The following SLMAP variants were observed in gnomAD, a reference collection of about 807,000 sequenced individuals.
SLMAP encodes sarcolemmal membrane-associated protein.
A neutral mutation model predicts 128.8 loss-of-function variants in SLMAP; 44 were observed. That is an observed-to-expected ratio of 0.34 (90% CI 0.27 to 0.44). SLMAP has a LOEUF of 0.44. Among genes scored for constraint, SLMAP ranks in the 20% least tolerant of loss-of-function variants. The pLI, the probability that SLMAP is intolerant of heterozygous loss-of-function variation, is 1.00. For missense variants in SLMAP, 787 were observed against 985.3 expected, an observed-to-expected ratio of 0.80 and a Z score of 2.69; for synonymous variants, 327 against 348.8, an observed-to-expected ratio of 0.94 and a Z score of 0.70.
chr3:57,871,737 T>A (rs1203766808), intron 14 of SLMAP, 39 bp downstream of exon 14: 6 of 1,491,274 alleles, frequency 4.0e-6, no homozygotes, highest in Non-Finnish European at 5.6e-6. Context: ...TTTAATGAAG[T>A]CAGGGGCTAA....
At chr3:57,850,865 G>A (rs1162444190) in intron 6 of SLMAP, among the ~76,000 whole-genome samples, 1 of 152,062 alleles carries the variant, frequency 6.6e-6, no homozygotes, top group East Asian at 1.9e-4. Flanking sequence ...AAACTCCTGA[G>A]CTCAGGCAAT....
chr3:57,918,950 C>T (rs2096863910), intron 22 of SLMAP, among the ~76,000 whole-genome samples: 1 of 152,172 alleles, frequency 6.6e-6, no homozygotes, highest in South Asian at 2.1e-4. Context: ...TCATTTGTCA[C>T]CTCAGAGTTA....
At chr3:57,810,408 G>A (rs747958293) in intron 2 of SLMAP, among the ~76,000 whole-genome samples, 2 of 152,126 alleles carry the variant, frequency 1.3e-5, no homozygotes, top group Non-Finnish European at 2.9e-5. Flanking sequence ...CAAAACTCAG[G>A]CAAGGGCACC....
At chr3:57,880,663 A>G (rs2095713230) in intron 14 of SLMAP, among the ~76,000 whole-genome samples, 1 of 148,930 alleles carries the variant, frequency 6.7e-6, no homozygotes, top group Admixed American at 6.7e-5. Flanking sequence ...GGATCGCTTG[A>G]GTTCAGGAGT....
intron 14 of SLMAP, among the ~76,000 whole-genome samples, chr3:57,887,916 A>G (rs2095942882): frequency 6.6e-6 from 1 of 152,234 alleles, no homozygotes; most frequent in Non-Finnish European, 1.5e-5. Flanking sequence ...AAGCTAGAAG[A>G]CAGTGGAATA....
intron 24 of SLMAP, among the ~76,000 whole-genome samples, chr3:57,927,025 T>C (rs1184556568): frequency 6.6e-6 from 1 of 152,216 alleles, no homozygotes; most frequent in Non-Finnish European, 1.5e-5. Context: ...TAGAAGTCAC[T>C]ATTAGGTTTC....
intron 4 of SLMAP, among the ~76,000 whole-genome samples, chr3:57,845,740 T>A (rs2094209398): frequency 6.6e-6 from 1 of 152,164 alleles, no homozygotes; most frequent in Admixed American, 6.6e-5. Flanking sequence ...GTAATAGTAG[T>A]GATCAAGTCC....
intron 22 of SLMAP, among the ~76,000 whole-genome samples, chr3:57,921,135 C>T (rs914749354): frequency 1.3e-5 from 2 of 152,086 alleles, no homozygotes; most frequent in African/African-American, 4.8e-5. Context: ...GATGCTGTAT[C>T]TAGAAGTGGA....
At chr3:57,814,092 CT>C (rs35586426) in intron 2 of SLMAP, among the ~76,000 whole-genome samples, 5,660 of 141,848 alleles carry the variant, frequency 0.04, 116 homozygotes, top group Middle Eastern at 0.056. Flanking sequence ...GAGCATTATT[CT>C]TTTTTTTTTT....
chr3:57,794,240 T>C (rs1341049551), intron 2 of SLMAP, among the ~76,000 whole-genome samples: 1 of 152,150 alleles, frequency 6.6e-6, no homozygotes, highest in Non-Finnish European at 1.5e-5. Flanking sequence ...GTTCGTACGC[T>C]ATACTCTCCT....
intron 2 of SLMAP, among the ~76,000 whole-genome samples, chr3:57,808,138 A>G (rs2153507346): frequency 6.6e-6 from 1 of 150,776 alleles, no homozygotes. Context: ...TATTGTGTCT[A>G]TTCTCTCTTT....
chr3:57,849,784 C>G lies in SLMAP; in HGVS notation c.487C>G (p.Gln163Glu), dbSNP rs2094438430. The G allele has an allele frequency of 6.3e-7, 1 of 1,577,850 alleles. No homozygotes were observed. ...TGCTAACACTCCAAGTATGTACTCT[C>G]AGGAACTATTCCAGCTTTCTCAGTA... ...VAANTPSMYS[Q>E]ELFQLSQYLQ... is the part of the protein sequence containing the mutation. Residue 163 changes from glutamine (Q) to glutamate (E), a missense_variant, in exon 6 of 25, where the codon CAG becomes GAG. Gln to Glu is a conservative substitution (Grantham distance 29). Coordinates refer to ENST00000671191, the MANE Select transcript of SLMAP (RefSeq NM_001377540.1).
At position 57,848,882 on chromosome 3, in the gene SLMAP, C is replaced by T. The variant is rs567526915; in HGVS notation, c.457-872C>T. ...GTGCCACCATGCCCTGCTAATTTTA[C>T]GTTTTTAGTAGAGACGGGGTTTCTC... On this transcript the variant is annotated intron_variant, in intron 5 of 24. Transcript: ENST00000671191. Among the ~76,000 whole-genome samples, 7 of 151,522 alleles carry T rather than the reference C, an allele frequency of 4.6e-5. No individual in the cohort carries two copies. In the South Asian group the frequency reaches 1.0e-3, roughly 23 times the overall value.
intron 14 of SLMAP, among the ~76,000 whole-genome samples, chr3:57,874,286 C>A (rs968446746): frequency 6.6e-6 from 1 of 152,004 alleles, no homozygotes; most frequent in Admixed American, 6.5e-5. Context: ...AGCAAATCCC[C>A]GTCTCTAAAA....
intron 22 of SLMAP, among the ~76,000 whole-genome samples, chr3:57,920,669 A>G (rs1192660221): frequency 6.6e-6 from 1 of 152,108 alleles, no homozygotes; most frequent in Non-Finnish European, 1.5e-5. Flanking sequence ...TACCTATGGT[A>G]TATCTATTTT....
chr3:57,854,818 CAT>C (rs1290366450), intron 6 of SLMAP, among the ~76,000 whole-genome samples: 1 of 152,116 alleles, frequency 6.6e-6, no homozygotes, highest in Non-Finnish European at 1.5e-5. Flanking sequence ...TATATATACA[CAT>C]GTATACATGT....
chr3:57,757,528 A>G lies in SLMAP; in HGVS notation c.-124A>G. On this transcript the variant is annotated 5_prime_UTR_variant, in exon 2 of 25. An upstream start codon of the reference 5' UTR is lost. Coordinates refer to ENST00000671191, the MANE Select transcript of SLMAP (RefSeq NM_001377540.1). ...GATGTTCACTGGTTATGCTTAGACA[A>G]TGTGCAGTTTGTGTTAATTTAAAAT... is the stretch of plus-strand genomic sequence containing the variant. 1.3e-6 allele frequency: 1 copy of G among 794,662 alleles called. No homozygotes were observed. The highest frequency in any genetic ancestry group is 1.6e-5 in the South Asian group (1 of 62,122). 49.2% of individuals were successfully genotyped at this position (794,662 alleles called of 1,614,324 possible).
At chr3:57,826,169 C>T (rs532686903) in intron 2 of SLMAP, among the ~76,000 whole-genome samples, 1 of 152,088 alleles carries the variant, frequency 6.6e-6, no homozygotes, top group Non-Finnish European at 1.5e-5. Flanking sequence ...TTTCCTTTTA[C>T]TTCTATTCTT....
chr3:57,916,774 T>G (rs915172712), intron 21 of SLMAP, 132 bp from the exon 22 acceptor site: 1 of 678,968 alleles, frequency 1.5e-6, no homozygotes, highest in African/African-American at 1.8e-5. Flanking sequence ...AAATATTTCA[T>G]TCTTTTTTAT....
Sources: allele counts gnomAD v4.1 joint callset (sites outside exome capture counted in the v4.1 genomes callset), GRCh38; gene constraint gnomAD v4.1.1; transcripts MANE v1.5; gene names NCBI Gene and HGNC (gene_info 2026-07-23, HGNC 2026-07-21).